Variants in LRRC4C observed in about 807,000 individuals in gnomAD.
LRRC4C encodes leucine-rich repeat-containing protein 4C.
In LRRC4C, 5 loss-of-function variants were observed where a neutral mutation model predicts 33.6. The observed-to-expected ratio is 0.15, with a 90% CI of 0.08 to 0.31. LRRC4C has a LOEUF of 0.31. Among genes scored for constraint, LRRC4C ranks in the 10% least tolerant of loss-of-function variants. The pLI is 1.00. For synonymous variants in LRRC4C, 329 were observed against 302.0 expected (o/e 1.09, Z -0.93); for missense variants, 560 against 796.7 (o/e 0.70, Z 3.58).
intron 2 of LRRC4C, among the ~76,000 whole-genome samples, chr11:40,926,008 A>G (rs2136410449): frequency 6.6e-6 from 1 of 152,064 alleles, no homozygotes; most frequent in South Asian, 2.1e-4. Flanking sequence ...CTTTACTGTT[A>G]ACAGTTCTAA....
At chr11:41,016,365 G>C (rs781314700) in intron 1 of LRRC4C, among the ~76,000 whole-genome samples, 1 of 151,912 alleles carries the variant, frequency 6.6e-6, no homozygotes, top group African/African-American at 2.4e-5. Flanking sequence ...CTATGAGAAT[G>C]AAAAAAACAA....
At chr11:41,130,058 T>C (rs1389718420) in intron 1 of LRRC4C, among the ~76,000 whole-genome samples, 3 of 152,134 alleles carry the variant, frequency 2.0e-5, no homozygotes, top group African/African-American at 7.2e-5. Flanking sequence ...GAGAATAGGA[T>C]GTGTAACTCA....
chr11:41,053,013 T>C (rs1441973984), intron 1 of LRRC4C, among the ~76,000 whole-genome samples: 1 of 152,162 alleles, frequency 6.6e-6, no homozygotes, highest in African/African-American at 2.4e-5. Context: ...GAAAATCAAG[T>C]AGCATGTTTC....
chr11:41,441,539 A>T (rs1955619230), intron 1 of LRRC4C, among the ~76,000 whole-genome samples: 1 of 150,386 alleles, frequency 6.6e-6, no homozygotes, highest in African/African-American at 2.5e-5. Flanking sequence ...TTTTAAGTAG[A>T]GATACCCAAA....
intron 4 of LRRC4C, among the ~76,000 whole-genome samples, chr11:40,257,445 C>T (rs1319324156): frequency 2.0e-5 from 3 of 151,930 alleles, no homozygotes; most frequent in African/African-American, 7.2e-5. Context: ...TCTTTATTCC[C>T]ATTATTTCTA....
Position 40,725,273 on chromosome 11 carries a change from G to A in LRRC4C, c.-406-76995C>T, listed in dbSNP as rs796574199. 4.6e-5 allele frequency among the ~76,000 whole-genome samples: 7 copies of A among 152,246 alleles called. 1 individual carries two copies. Among genetic ancestry groups the A allele is most frequent in the African/African-American group, 1.7e-4 (7 of 41,546 alleles). ...TGTAATCCCAGCATTCTGGGAGGCCGAGGCAGGTGGATCACGAGGTCAGGA... is the reference window on the plus strand; with the variant it reads ...TGTAATCCCAGCATTCTGGGAGGCCAAGGCAGGTGGATCACGAGGTCAGGA... On this transcript the variant is annotated intron_variant, in intron 2 of 6. Transcript: ENST00000528697.
chr11:40,964,390 G>A (rs529833531), intron 1 of LRRC4C, among the ~76,000 whole-genome samples: 75 of 151,470 alleles, frequency 5.0e-4, no homozygotes, highest in African/African-American at 1.6e-3. Flanking sequence ...GTTATTATAC[G>A]TTAAGTTTTA....
At chr11:40,693,881 C>A (rs1945350482) in intron 2 of LRRC4C, among the ~76,000 whole-genome samples, 1 of 152,126 alleles carries the variant, frequency 6.6e-6, no homozygotes, top group South Asian at 2.1e-4. Flanking sequence ...CCAAAAGCCG[C>A]ATTGTGTCCA....
chr11:41,019,174 A>C (rs1590255143), intron 1 of LRRC4C, among the ~76,000 whole-genome samples: 4 of 149,824 alleles, frequency 2.7e-5, no homozygotes, highest in Non-Finnish European at 3.0e-5. Context: ...CCCTCCCCTC[A>C]CCCCCACCCC....
intron 3 of LRRC4C, among the ~76,000 whole-genome samples, chr11:40,517,793 G>T (rs1192007472): frequency 6.7e-6 from 1 of 149,698 alleles, no homozygotes; most frequent in African/African-American, 2.5e-5. Flanking sequence ...AAAAGAGCCC[G>T]CAGAGCCCAG....
At chr11:40,740,403 G>A (rs930158354) in intron 2 of LRRC4C, among the ~76,000 whole-genome samples, 1 of 151,766 alleles carries the variant, frequency 6.6e-6, no homozygotes, top group Non-Finnish European at 1.5e-5. Flanking sequence ...CTTCACTGTT[G>A]TTGAGGAATT....
At chr11:41,334,338 A>G (rs746698493) in intron 1 of LRRC4C, among the ~76,000 whole-genome samples, 10 of 152,146 alleles carry the variant, frequency 6.6e-5, no homozygotes, top group Admixed American at 5.2e-4. Context: ...TATTCCAGTC[A>G]GTGTTTTTTC....
intron 2 of LRRC4C, among the ~76,000 whole-genome samples, chr11:40,815,503 T>C (rs555987725): frequency 1.1e-4 from 16 of 152,336 alleles, no homozygotes; most frequent in African/African-American, 3.6e-4. Flanking sequence ...GTCAGTAATT[T>C]TTTACCTTGC....
intron 2 of LRRC4C, among the ~76,000 whole-genome samples, chr11:40,861,815 G>T (rs371712120): frequency 3.3e-5 from 5 of 152,306 alleles, no homozygotes; most frequent in Admixed American, 1.3e-4. Context: ...GGAAAGTGAA[G>T]TGGGACCAGA....
At position 41,244,675 on chromosome 11, in the gene LRRC4C, A is replaced by C. The variant is rs143526426; in HGVS notation, c.-496+214756T>G. Among the ~76,000 whole-genome samples the C allele has an allele frequency of 4.0e-4, 61 of 152,338 alleles. No individual in the cohort carries two copies. The East Asian group carries it at 0.01, about 25-fold the overall frequency. On this transcript the variant is annotated intron_variant, in intron 1 of 6. Coordinates refer to ENST00000528697, the MANE Select transcript of LRRC4C (RefSeq NM_001258419.2). ...GCATTTTTAGCTGAGATTCCTAAAT[A>C]AAAGCCTCAGCTTTCTTCATTTTGT...
chr11:40,863,345 T>C (rs537252336), intron 2 of LRRC4C, among the ~76,000 whole-genome samples: 1 of 152,306 alleles, frequency 6.6e-6, no homozygotes, highest in South Asian at 2.1e-4. Flanking sequence ...TCATTCACTA[T>C]GCCAAGTAGA....
At chr11:40,638,810 C>G (rs1173988511) in intron 3 of LRRC4C, among the ~76,000 whole-genome samples, 1 of 133,290 alleles carries the variant, frequency 7.5e-6, no homozygotes, top group Non-Finnish European at 1.6e-5. Flanking sequence ...CACTACATTT[C>G]TTGACTTCAA....
chr11:40,215,142 C>A (rs1255880301), intron 5 of LRRC4C, among the ~76,000 whole-genome samples: 1 of 152,118 alleles, frequency 6.6e-6, no homozygotes, highest in Non-Finnish European at 1.5e-5. Flanking sequence ...TATTCTGTGT[C>A]CACTACCAGC....
At chr11:41,240,300 C>G (rs1192188295) in intron 1 of LRRC4C, among the ~76,000 whole-genome samples, 2 of 152,118 alleles carry the variant, frequency 1.3e-5, no homozygotes, top group Admixed American at 6.5e-5. Flanking sequence ...TGATGCCATG[C>G]TTTGGGGAAA....
Sources: gnomAD v4.1 joint callset for allele counts (sites outside exome capture counted in the v4.1 genomes callset) on GRCh38, gnomAD v4.1.1 for gene constraint, MANE v1.5 for transcripts, NCBI Gene and HGNC (gene_info 2026-07-23, HGNC 2026-07-21) for gene names.